TNK2: variants seen among roughly 807,000 people sequenced by gnomAD.
The protein encoded by TNK2 is activated CDC42 kinase 1.
In TNK2, 83 loss-of-function variants were observed where a neutral mutation model predicts 101.8. The observed-to-expected ratio is 0.82, with a 90% CI of 0.68 to 0.98. TNK2 has a LOEUF of 0.98. Among genes scored for constraint, TNK2 ranks in the 50% least tolerant of loss-of-function variants. TNK2 has a pLI of 0.00. For synonymous variants in TNK2, 804 were observed against 633.0 expected (o/e 1.27, Z -4.06); for missense variants, 1,665 against 1,483.2 (o/e 1.12, Z -2.01).
At chr3:195,887,833 CACGTGTGT>C (rs1484372921) in intron 2 of TNK2, among the ~76,000 whole-genome samples, 1 of 122,418 alleles carries the variant, frequency 8.2e-6, no homozygotes, top group Non-Finnish European at 1.6e-5. Context: ...TGTGCGCACA[CACGTGTGT>C]GTGTGTGTGC....
chr3:195,892,809 T>TGCCTGCCTCTCTCTC (rs1759136286), intron 1 of TNK2: 1 of 947,358 alleles, frequency 1.1e-6, no homozygotes, highest in Non-Finnish European at 1.2e-6. Flanking sequence ...CCCTCCCTCT[T>TGCCTGCCTCTCTCTC]GCCTGCCTCT....
intron 14 of TNK2, 40 bp from the exon 15 acceptor site, chr3:195,867,056 G>C (rs759398352): frequency 6.2e-7 from 1 of 1,611,308 alleles, no homozygotes. Context: ...CGGGCCCAGG[G>C]CACCGACTAG....
rs932683854 is a variant in TNK2 at position 195,863,969 on chromosome 3, G to A, written c.*212C>T. The A allele has an allele frequency of 6.9e-6, 4 of 576,588 alleles. No individual in the cohort carries two copies. Among genetic ancestry groups the A allele is most frequent in the African/African-American group, 3.7e-5 (2 of 53,586 alleles). 35.7% of individuals were successfully genotyped at this position (576,588 alleles called of 1,614,324 possible). On this transcript the variant is annotated 3_prime_UTR_variant, in exon 16 of 16. Transcript: ENST00000672887. ...TTCCACATCTTGGCAGGGGCACCGG[G>A]ACTGAACCAAAGTGTGCAGGGACAG...
rs117443655 is a variant in TNK2 at position 195,889,910 on chromosome 3, C to A, written c.-18-1304G>T. 1.4e-4 allele frequency among the ~76,000 whole-genome samples: 21 copies of A among 152,276 alleles called. No individual in the cohort carries two copies. The East Asian group carries it at 3.7e-3, about 27-fold the overall frequency. ...GCTGCCCGGCTGGGGACCAAGCCAT[C>A]CCCCTCCCCCACTCAGCGGTGGCCT... On this transcript the variant is annotated intron_variant, in intron 1 of 15. Coordinates refer to ENST00000672887, the MANE Select transcript of TNK2 (RefSeq NM_001382273.1).
intron 1 of TNK2, among the ~76,000 whole-genome samples, chr3:195,905,085 T>TA (rs1471402723): frequency 6.6e-6 from 1 of 152,238 alleles, no homozygotes; most frequent in Non-Finnish European, 1.5e-5. Flanking sequence ...TTTCAAGACT[T>TA]ACTATAGTTT....
At chr3:195,893,884 T>C (rs1046970099) in intron 1 of TNK2, among the ~76,000 whole-genome samples, 2 of 152,158 alleles carry the variant, frequency 1.3e-5, no homozygotes, top group Admixed American at 6.5e-5. Context: ...CTCCCAGCAC[T>C]TGACCTCCCT....
intron 1 of TNK2, among the ~76,000 whole-genome samples, chr3:195,904,771 C>G (rs576972839): frequency 6.6e-6 from 1 of 152,130 alleles, no homozygotes; most frequent in Non-Finnish European, 1.5e-5. Context: ...AAAATAGGTA[C>G]TATTTAAGGA....
At chr3:195,872,880 G>A (rs1746412256) in intron 9 of TNK2, 1 of 185,916 alleles carries the variant, frequency 5.4e-6, no homozygotes, top group African/African-American at 2.4e-5. Flanking sequence ...GCAAGGCCGG[G>A]GCCCCAGTCC....
At position 195,892,236 on chromosome 3, in the gene TNK2, CAAG is replaced by C. The variant is rs1426223811; in HGVS notation, c.-18-3633_-18-3631del. On this transcript the variant is annotated intron_variant, in intron 1 of 15. Transcript: ENST00000672887. ...GTGGCCGGCGTGCAAACACACAGGC[CAAG>C]AAGAAGGAATGCAGCAGCCGCAGGA... 3.3e-5 allele frequency among the ~76,000 whole-genome samples: 5 copies of C among 152,326 alleles called. No individual in the cohort carries two copies. The East Asian group carries it at 9.6e-4, about 29-fold the overall frequency.
In TNK2 at chr3:195,866,826, G is replaced by A. The variant is rs868067430; in HGVS notation, c.3161+63C>T. The A allele has an allele frequency of 3.2e-5, 51 of 1,569,556 alleles. No homozygotes were observed. The Middle Eastern group carries it at 6.8e-4, about 21-fold the overall frequency. ...GCGAGGTGTTGGGCTTCCTCCCAGT[G>A]TGGCAGGCTCTGGGACAGCCCTCCT... On this transcript the variant is annotated intron_variant, in intron 15 of 15. Transcript: ENST00000672887.
At chr3:195,879,862 T>A (rs1751422229) in intron 6 of TNK2, among the ~76,000 whole-genome samples, 1 of 152,020 alleles carries the variant, frequency 6.6e-6, no homozygotes, top group Non-Finnish European at 1.5e-5. Flanking sequence ...ATGAGAACAA[T>A]AACCCGCCCA....
chr3:195,906,868 T>G, intron 1 of TNK2, among the ~76,000 whole-genome samples: 1 of 152,150 alleles, frequency 6.6e-6, no homozygotes, highest in Non-Finnish European at 1.5e-5. Flanking sequence ...AGTCTGACCC[T>G]TCCTCCCTAA....
chr3:195,873,319 C>T (rs556733963), intron 9 of TNK2, among the ~76,000 whole-genome samples: 1 of 152,354 alleles, frequency 6.6e-6, no homozygotes, highest in Non-Finnish European at 1.5e-5. Flanking sequence ...CACAGGGCTC[C>T]CGCAAGACAC....
At chr3:195,866,787 GC>G in intron 15 of TNK2, 101 bp downstream of exon 15, 1 of 1,484,626 alleles carries the variant, frequency 6.7e-7, no homozygotes, top group Non-Finnish European at 9.0e-7. Context: ...TGTCTCCCTG[GC>G]CGGGAGCGGC....
intron 11 of TNK2, chr3:195,869,891 G>C: frequency 1.8e-6 from 1 of 558,870 alleles, no homozygotes; most frequent in East Asian, 2.9e-5. Flanking sequence ...CGGGGCGGAC[G>C]GGCCTGCTGC....
chr3:195,900,162 C>T (rs1425878151), intron 1 of TNK2, among the ~76,000 whole-genome samples: 3 of 152,034 alleles, frequency 2.0e-5, no homozygotes, highest in Non-Finnish European at 1.5e-5. Context: ...GCCTTCTCAT[C>T]GGACTGCGAA....
intron 6 of TNK2, among the ~76,000 whole-genome samples, chr3:195,879,908 C>T (rs1411163413): frequency 6.6e-6 from 1 of 152,128 alleles, no homozygotes; most frequent in Non-Finnish European, 1.5e-5. Flanking sequence ...TATATTCATA[C>T]CTTACCATGC....
At position 195,884,984 on chromosome 3, in the gene TNK2, T is replaced by C. The variant is rs1435944497; in HGVS notation, c.284A>G (p.Gln95Arg). The change falls in exon 4 of 16, where the codon CAG (glutamine) becomes CGG (arginine). Residue 95 changes from glutamine to arginine, a missense_variant. By Grantham distance (43) the Gln-to-Arg change is conservative. Coordinates refer to ENST00000672887, the MANE Select transcript of TNK2 (RefSeq NM_001382273.1). ...GGGCGAGGTCTTCCGGAAGGTGCTCTGAGAGTGATGAGGTGGGAACTCAGC... is the reference window on the plus strand; with the variant it reads ...GGGCGAGGTCTTCCGGAAGGTGCTCCGAGAGTGATGAGGTGGGAACTCAGC... ...LEAEFPPHHS[Q>R]STFRKTSPAP... 1 of 1,612,946 alleles carries C rather than the reference T, an allele frequency of 6.2e-7. No homozygotes were observed. Among genetic ancestry groups the C allele is most frequent in the Non-Finnish European group, 8.5e-7 (1 of 1,179,454 alleles).
rs541107587 is a variant in TNK2, at chr3:195,870,511, C to T, written c.1452-306G>A. 1.1e-4 allele frequency: 86 copies of T among 812,928 alleles called. 1 individual carries two copies. In the East Asian group the frequency reaches 1.3e-3, roughly 12 times the overall value. 50.4% of individuals were successfully genotyped at this position (812,928 alleles called of 1,614,324 possible). A position where few individuals can be genotyped will look rare whatever the true frequency, so the allele number is the denominator to read the frequency against. On this transcript the variant is annotated intron_variant, in intron 10 of 15. Coordinates refer to ENST00000672887, the MANE Select transcript of TNK2 (RefSeq NM_001382273.1). ...CAGGCCCCCAGCCCACACCAGGCAG[C>T]GGCCAGAGGGCAGACACTCCTGTCC... is the stretch of plus-strand genomic sequence containing the variant.
Sources: gnomAD v4.1 joint callset for allele counts (sites outside exome capture counted in the v4.1 genomes callset) on GRCh38, gnomAD v4.1.1 for gene constraint, MANE v1.5 for transcripts, NCBI Gene and HGNC (gene_info 2026-07-23, HGNC 2026-07-21) for gene names.